DOT1L: variants seen among roughly 807,000 people sequenced by gnomAD.
DOT1L encodes histone-lysine N-methyltransferase, H3 lysine-79 specific.
DOT1L carries 33 observed loss-of-function variants against 153.3 expected under a neutral mutation model. The observed-to-expected ratio is 0.22, with a 90% CI of 0.16 to 0.29. The LOEUF is 0.29. Ranked by LOEUF, DOT1L falls within the 10% of genes least tolerant of loss-of-function variation. The probability of loss-of-function intolerance (pLI) is 1.00; values close to 1 mark genes in which losing one functional copy is unlikely to be tolerated. For missense variants in DOT1L, 1,847 were observed against 2,119.9 expected, an observed-to-expected ratio of 0.87 and a Z score of 2.53; for synonymous variants, 1,135 against 965.1, an observed-to-expected ratio of 1.18 and a Z score of -3.26.
rs1290783467 is a variant in DOT1L at position 2,220,245 on chromosome 19, C to T, written c.2806+23C>T. On this transcript the variant is annotated intron_variant, in intron 23 of 27. Coordinates refer to ENST00000398665, the MANE Select transcript of DOT1L (RefSeq NM_032482.3). This position sits in a 1 kb window ranked among gnomAD's most constrained non-coding sequence, Gnocchi z 4.5. ...CAGGTAACGCCCCTCCTGTGCCCTACCCTCAGGACTCTGCTGCTGCTGCTG... is the reference window on the plus strand; with the variant it reads ...CAGGTAACGCCCCTCCTGTGCCCTATCCTCAGGACTCTGCTGCTGCTGCTG... The T allele has an allele frequency of 3.1e-6, 5 of 1,594,650 alleles. No homozygotes were observed. Among genetic ancestry groups the T allele is most frequent in the South Asian group, 2.2e-5 (2 of 89,760 alleles).
intron 1 of DOT1L, among the ~76,000 whole-genome samples, chr19:2,170,963 G>A (rs2021589513): frequency 6.6e-6 from 1 of 152,168 alleles, no homozygotes; most frequent in South Asian, 2.1e-4. Flanking sequence ...TTAGAGTGTT[G>A]TTTCTCTCAT....
intron 8 of DOT1L, among the ~76,000 whole-genome samples, chr19:2,202,414 G>A (rs1039871477): frequency 3.3e-5 from 5 of 152,238 alleles, no homozygotes; most frequent in Non-Finnish European, 7.3e-5. Context: ...CCTTGTGTGG[G>A]CTGCTTGTGA....
intron 3 of DOT1L, among the ~76,000 whole-genome samples, chr19:2,187,801 A>G (rs947531438): frequency 1.5e-4 from 23 of 152,122 alleles, no homozygotes; most frequent in African/African-American, 5.3e-4. Flanking sequence ...GGGTGCCTGT[A>G]GTCCCAGTTA....
Position 2,230,903 on chromosome 19 carries a change from T to G in DOT1L, c.*1111T>G. The G allele has an allele frequency of 3.4e-6, 1 of 297,240 alleles. No individual in the cohort carries two copies. The allele number at this position is 297,240 out of a possible 1,614,324, so 18.4% of individuals were successfully genotyped here. A position where few individuals can be genotyped will look rare whatever the true frequency, so the allele number is the denominator to read the frequency against. On this transcript the variant is annotated 3_prime_UTR_variant, in exon 28 of 28. Transcript: ENST00000398665. ...CTGTCAGGGCCACGCCTGGCACCCATCCCTTGGAGCCTGTGCTGGTTCTCC... is the reference window on the plus strand; with the variant it reads ...CTGTCAGGGCCACGCCTGGCACCCAGCCCTTGGAGCCTGTGCTGGTTCTCC...
chr19:2,221,906 GTGC>G (rs1285225622), intron 23 of DOT1L, 67 bp from the exon 24 acceptor site: 3 of 1,443,098 alleles, frequency 2.1e-6, no homozygotes, highest in Non-Finnish European at 2.8e-6. Flanking sequence ...CTAGGGGGTG[GTGC>G]TCCCACAGCA....
At position 2,204,974 on chromosome 19, in the gene DOT1L, ATT is replaced by A. The variant is rs1296544097; in HGVS notation, c.788-1743_788-1742del. Among the ~76,000 whole-genome samples the A allele has an allele frequency of 2.1e-5, 3 of 144,812 alleles. No homozygotes were observed. On this transcript the variant is annotated intron_variant, in intron 9 of 27. Coordinates refer to ENST00000398665, the MANE Select transcript of DOT1L (RefSeq NM_032482.3). The surrounding 1 kb of genome is among the most constrained non-coding windows in gnomAD (Gnocchi z 5.7). Reference sequence around the variant, plus strand: ...TTAAATGGATCCACTTTGACTTTTAATTTTTTTTTTTTTGGAGACGGAGTCTC... The same window carrying A: ...TTAAATGGATCCACTTTGACTTTTAATTTTTTTTTTTGGAGACGGAGTCTC...
chr19:2,226,684 A>C lies in DOT1L; in HGVS notation c.4163A>C (p.Glu1388Ala), dbSNP rs766758582. Residue 1388 changes from glutamate to alanine, a missense_variant, in exon 27 of 28, where the codon GAG (glutamate) becomes GCG (alanine). Coordinates refer to ENST00000398665, the MANE Select transcript of DOT1L (RefSeq NM_032482.3). The stretch of plus-strand genomic sequence containing the variant: ...AAGGGCGAGGGCAGCCGCGGCAAGG[A>C]GGCAGGGGAGGGCGGCCTACCGCTG... Reference protein sequence around the residue: ...GLKGEGSRGKEAGEGGLPLCG... With the variant: ...GLKGEGSRGKAAGEGGLPLCG... 2 of 1,574,676 alleles carry C rather than the reference A, an allele frequency of 1.3e-6. No individual in the cohort carries two copies. The highest frequency in any genetic ancestry group is 1.7e-6 in the Non-Finnish European group (2 of 1,164,754).
intron 7 of DOT1L, among the ~76,000 whole-genome samples, chr19:2,195,291 C>T (rs938173593): frequency 2.0e-5 from 3 of 152,114 alleles, no homozygotes; most frequent in African/African-American, 7.2e-5. Flanking sequence ...AGTCCTTAGA[C>T]ACCAGGCTCC....
At chr19:2,172,597 T>C (rs1222952954) in intron 1 of DOT1L, among the ~76,000 whole-genome samples, 1 of 145,072 alleles carries the variant, frequency 6.9e-6, no homozygotes, top group Non-Finnish European at 1.5e-5. Context: ...CTCCGCCTCC[T>C]GGGTTCAAGC....
At position 2,217,678 on chromosome 19, in the gene DOT1L, G is replaced by A. The variant is rs1176124463; in HGVS notation, c.2545-94G>A. Reference sequence around the variant, plus strand: ...CTTGGCAGCGTGGGGGCCGCCTTGAGAGAGCTGTAGCAGGCCCCCGTCCTG... The same window carrying A: ...CTTGGCAGCGTGGGGGCCGCCTTGAAAGAGCTGTAGCAGGCCCCCGTCCTG... On this transcript the variant is annotated intron_variant, in intron 21 of 27. Transcript: ENST00000398665. The surrounding 1 kb of genome is among the most constrained non-coding windows in gnomAD (Gnocchi z 7.3). The A allele has an allele frequency of 2.7e-6, 4 of 1,502,946 alleles. No individual in the cohort carries two copies. In the African/African-American group the frequency reaches 4.1e-5, roughly 16 times the overall value. 93.1% of individuals were successfully genotyped at this position (1,502,946 alleles called of 1,614,324 possible).
intron 23 of DOT1L, 181 bp from the exon 24 acceptor site, chr19:2,221,795 G>A: frequency 3.1e-6 from 2 of 649,422 alleles, no homozygotes; most frequent in South Asian, 4.1e-5. Flanking sequence ...CCTGAGCCTT[G>A]AGCTTGCCCA....
chr19:2,206,621 C>G, intron 9 of DOT1L, 108 bp from the exon 10 acceptor site: 1 of 1,075,296 alleles, frequency 9.3e-7, no homozygotes, highest in South Asian at 1.3e-5. Flanking sequence ...GACCCGGAGC[C>G]CAGTGTGTGT....
In DOT1L at chr19:2,221,969, C is replaced by A; in HGVS notation, c.2807-7C>A. Reference sequence around the variant, plus strand: ...GTCCCCTGAGACCCCCATGTCCTTCCCGGCAGGCTTCTCCTACGCTGGCTC... The same window carrying A: ...GTCCCCTGAGACCCCCATGTCCTTCACGGCAGGCTTCTCCTACGCTGGCTC... On this transcript the variant is annotated splice_region_variant and splice_polypyrimidine_tract_variant and intron_variant, in intron 23 of 27. Transcript: ENST00000398665. The A allele has an allele frequency of 6.3e-7, 1 of 1,595,156 alleles. No individual in the cohort carries two copies.
rs749791449 is a variant in DOT1L, at chr19:2,211,740, T to C, written c.1466-11T>C. The C allele has an allele frequency of 6.4e-7, 1 of 1,556,344 alleles. No homozygotes were observed. Among genetic ancestry groups the C allele is most frequent in the South Asian group, 1.2e-5 (1 of 84,372 alleles). On this transcript the variant is annotated splice_polypyrimidine_tract_variant and intron_variant, in intron 15 of 27. Coordinates refer to ENST00000398665, the MANE Select transcript of DOT1L (RefSeq NM_032482.3). ...GCTCTCTTCTCACCTGTGTTCCGCCTCTCTTCCCAGAGTCCTTCAAGATCC... is the reference window on the plus strand; with the variant it reads ...GCTCTCTTCTCACCTGTGTTCCGCCCCTCTTCCCAGAGTCCTTCAAGATCC...
At chr19:2,229,255 C>T (rs1476703401) in intron 27 of DOT1L, 15 of 985,348 alleles carry the variant, frequency 1.5e-5, no homozygotes, top group Non-Finnish European at 1.8e-5. Context: ...AGTTGGCCAC[C>T]CGTGCCCTCC....
In DOT1L at chr19:2,166,127, G is replaced by A. The variant is rs999475566; in HGVS notation, c.81+1862G>A. On this transcript the variant is annotated intron_variant, in intron 1 of 27. Coordinates refer to ENST00000398665, the MANE Select transcript of DOT1L (RefSeq NM_032482.3). Reference sequence around the variant, plus strand: ...TTGTTATTTTTGGAGTCGGAGTTTCGCTCTTGTTGCCCAGGCTGGAGTGCA... The same window carrying A: ...TTGTTATTTTTGGAGTCGGAGTTTCACTCTTGTTGCCCAGGCTGGAGTGCA... Among the ~76,000 whole-genome samples, 13 of 149,658 alleles carry A rather than the reference G, an allele frequency of 8.7e-5. No homozygotes were observed. The South Asian group carries it at 2.8e-3, about 32-fold the overall frequency.
At chr19:2,166,473 G>C (rs1056510655) in intron 1 of DOT1L, among the ~76,000 whole-genome samples, 2 of 151,096 alleles carry the variant, frequency 1.3e-5, no homozygotes. Flanking sequence ...GTGCAGTGGT[G>C]CCATCTCTGC....
At position 2,199,746 on chromosome 19, in the gene DOT1L, C is replaced by T. The variant is rs1332737535; in HGVS notation, c.652-138C>T. On this transcript the variant is annotated intron_variant, in intron 7 of 27. Transcript: ENST00000398665. Reference sequence around the variant, plus strand: ...TGCCTGCAGCTCCCAGGGCTGCAGCCGGTGGGGCCTGGGCCTCCTCCTGCT... The same window carrying T: ...TGCCTGCAGCTCCCAGGGCTGCAGCTGGTGGGGCCTGGGCCTCCTCCTGCT... 1.9e-5 allele frequency: 22 copies of T among 1,152,088 alleles called. No individual in the cohort carries two copies. In the East Asian group the frequency reaches 2.3e-4, roughly 12 times the overall value. 71.4% of individuals were successfully genotyped at this position (1,152,088 alleles called of 1,614,324 possible).
In DOT1L at chr19:2,226,825, C is replaced by T. The variant is rs1322345032; in HGVS notation, c.4304C>T (p.Pro1435Leu). The T allele has an allele frequency of 1.9e-6, 3 of 1,581,520 alleles. No homozygotes were observed. Among genetic ancestry groups the T allele is most frequent in the Non-Finnish European group, 2.6e-6 (3 of 1,171,650 alleles). The change falls in exon 27 of 28, where the codon CCC (proline) becomes CTC (leucine). Residue 1435 changes from proline (P) to leucine (L), a missense_variant. Pro to Leu is a moderately conservative substitution (Grantham distance 98). Coordinates refer to ENST00000398665, the MANE Select transcript of DOT1L (RefSeq NM_032482.3). ...TTCATCTCTGCGGCGGCCGTGCCTCCCGGAAGCCTCCTCAGCGGCCCCGGC... is the reference window on the plus strand; with the variant it reads ...TTCATCTCTGCGGCGGCCGTGCCTCTCGGAAGCCTCCTCAGCGGCCCCGGC... Reference protein sequence around the residue: ...NLFISAAAVPPGSLLSGPGLA... With the variant: ...NLFISAAAVPLGSLLSGPGLA...
Sources: gnomAD v4.1 joint callset for allele counts (sites outside exome capture counted in the v4.1 genomes callset) on GRCh38, gnomAD v4.1.1 for gene constraint, Gnocchi (gnomAD v3.1) non-coding constraint, MANE v1.5 for transcripts, NCBI Gene and HGNC (gene_info 2026-07-23, HGNC 2026-07-21) for gene names.